The following C6 variants were observed in gnomAD, a reference collection of about 807,000 sequenced individuals.
The protein encoded by C6 is complement component C6.
C6 carries 101 observed loss-of-function variants against 112.9 expected under a neutral mutation model. The ratio of observed to expected loss-of-function variants is 0.89; its 90% CI spans 0.76 to 1.06. The LOEUF is 1.06. Among genes scored for constraint, C6 ranks in the 50% least tolerant of loss-of-function variants. C6 has a pLI of 0.00. For missense variants in C6, 1,202 were observed against 1,104.6 expected (o/e 1.09, Z -1.25); for synonymous variants, 431 against 384.1 (o/e 1.12, Z -1.43).
intron 17 of C6, among the ~76,000 whole-genome samples, chr5:41,147,431 G>A: frequency 6.6e-6 from 1 of 152,126 alleles, no homozygotes. Flanking sequence ...TGCCAGCTAT[G>A]TCCACCCTCT....
chr5:41,145,723 A>G (rs150004107), intron 17 of C6, among the ~76,000 whole-genome samples: 1 of 152,308 alleles, frequency 6.6e-6, no homozygotes, highest in East Asian at 1.9e-4. Context: ...CAGCTAGAGA[A>G]GATTCTTGTT....
chr5:41,171,698 T>C (rs377307826), intron 9 of C6, among the ~76,000 whole-genome samples: 3 of 152,118 alleles, frequency 2.0e-5, no homozygotes, highest in Non-Finnish European at 4.4e-5. Flanking sequence ...TTTTTCAGTA[T>C]TTTTTTGCCT....
chr5:41,220,546 TATTA>T (rs1739100844), intron 1 of C6, among the ~76,000 whole-genome samples: 1 of 152,134 alleles, frequency 6.6e-6, no homozygotes, highest in Non-Finnish European at 1.5e-5. Context: ...ATTTATTTTT[TATTA>T]ATTATTTTAA....
At chr5:41,148,633 C>T (rs1424786646) in intron 17 of C6, among the ~76,000 whole-genome samples, 1 of 152,112 alleles carries the variant, frequency 6.6e-6, no homozygotes, top group East Asian at 1.9e-4. Context: ...AGGCATGAGC[C>T]CCAGAGCTCT....
At chr5:41,234,351 T>G (rs1402193974) in intron 1 of C6, among the ~76,000 whole-genome samples, 1 of 137,342 alleles carries the variant, frequency 7.3e-6, no homozygotes, top group Non-Finnish European at 1.5e-5. Flanking sequence ...TTTTTTTTTG[T>G]TTTTTGTTTT....
intron 8 of C6, among the ~76,000 whole-genome samples, chr5:41,173,938 T>C (rs1164544210): frequency 6.6e-6 from 1 of 152,218 alleles, no homozygotes; most frequent in Non-Finnish European, 1.5e-5. Context: ...GGATTGTTTT[T>C]ATAAGTGGGT....
intron 7 of C6, among the ~76,000 whole-genome samples, chr5:41,177,486 T>G (rs1468503726): frequency 6.6e-6 from 1 of 152,186 alleles, no homozygotes; most frequent in Non-Finnish European, 1.5e-5. Context: ...AGTGTATTTA[T>G]GTACATTGTT....
intron 1 of C6, among the ~76,000 whole-genome samples, chr5:41,229,270 T>C (rs1005315928): frequency 1.3e-5 from 2 of 152,092 alleles, no homozygotes; most frequent in African/African-American, 4.8e-5. Flanking sequence ...GTGGAGTTTG[T>C]TTATGTGTGA....
intron 1 of C6, among the ~76,000 whole-genome samples, chr5:41,243,112 T>C (rs943703295): frequency 6.6e-6 from 1 of 152,150 alleles, no homozygotes; most frequent in South Asian, 2.1e-4. Context: ...TAATAGGATA[T>C]TGTACATTTC....
intron 6 of C6, among the ~76,000 whole-genome samples, chr5:41,181,855 C>A: frequency 6.6e-6 from 1 of 152,272 alleles, no homozygotes; most frequent in Middle Eastern, 3.4e-3. Flanking sequence ...CAAGGAAATG[C>A]CACCTAAGCT....
chr5:41,240,371 G>A (rs1433293250), intron 1 of C6, among the ~76,000 whole-genome samples: 1 of 152,140 alleles, frequency 6.6e-6, no homozygotes, highest in African/African-American at 2.4e-5. Context: ...GAGCCTCCAG[G>A]TGGCTTTCTT....
At chr5:41,238,884 G>T (rs1294721484) in intron 1 of C6, among the ~76,000 whole-genome samples, 2 of 151,640 alleles carry the variant, frequency 1.3e-5, no homozygotes, top group African/African-American at 4.8e-5. Flanking sequence ...ATTTAAATTG[G>T]GTTCATAAAA....
In C6 at chr5:41,210,075, C is replaced by T. The variant is rs375952421; in HGVS notation, c.-21+3301G>A. 3.3e-5 allele frequency among the ~76,000 whole-genome samples: 5 copies of T among 152,238 alleles called. No individual in the cohort carries two copies. The East Asian group carries it at 9.7e-4, about 29-fold the overall frequency. On this transcript the variant is annotated intron_variant, in intron 1 of 17. Transcript: ENST00000337836. ...AGAAATAATACCACACGTCTACAGC[C>T]ATCTGATCTTTGACAAATCTGACAA...
At chr5:41,178,387 C>T (rs1409420713) in intron 7 of C6, among the ~76,000 whole-genome samples, 2 of 151,292 alleles carry the variant, frequency 1.3e-5, no homozygotes, top group East Asian at 1.9e-4. Flanking sequence ...GATTGATTTT[C>T]AATTTTGTGG....
intron 1 of C6, among the ~76,000 whole-genome samples, chr5:41,239,093 A>C (rs533102226): frequency 1.3e-4 from 18 of 143,696 alleles, no homozygotes; most frequent in Admixed American, 1.0e-3. Flanking sequence ...CACATTTATA[A>C]TTTCTTTTCT....
Position 41,170,261 on chromosome 5 carries a change from C to T in C6, c.1291+1964G>A, listed in dbSNP as rs6863182. 8.3e-3 allele frequency among the ~76,000 whole-genome samples: 1,261 copies of T among 151,718 alleles called. 18 individuals are homozygous for T. Among genetic ancestry groups the T allele is most frequent in the African/African-American group, 0.029 (1,183 of 41,420 alleles). On this transcript the variant is annotated intron_variant, in intron 9 of 17. Coordinates refer to ENST00000337836, the MANE Select transcript of C6 (RefSeq NM_000065.5). ...TAAATGTTTTTCCATGTTGAGATTA[C>T]TTGATATCTTTCTTGTATGTGATTA... is the stretch of plus-strand genomic sequence containing the variant.
rs1460652867 is a variant in C6 at position 41,201,621 on chromosome 5, G to T, written c.237C>A (p.Pro79=). 1 of 1,613,610 alleles carries T rather than the reference G, an allele frequency of 6.2e-7. No individual in the cohort carries two copies. Among genetic ancestry groups the T allele is most frequent in the East Asian group, 2.2e-5 (1 of 44,778 alleles). ...ETRECNWQRC[P]INCLLGDFGP... ...CAAAATCTCCCAGGAGGCAGTTGAT[G>T]GGGCATCTTTGCCAGTTACATTCTC... The change falls in exon 3 of 18, where the codon CCC becomes CCA. Residue 79 remains proline (P), a synonymous_variant. Coordinates refer to ENST00000337836, the MANE Select transcript of C6 (RefSeq NM_000065.5).
intron 1 of C6, among the ~76,000 whole-genome samples, chr5:41,224,706 G>A (rs1307831986): frequency 6.6e-6 from 1 of 152,010 alleles, no homozygotes; most frequent in African/African-American, 2.4e-5. Flanking sequence ...ATGCTGCTGG[G>A]AACATTTGTG....
chr5:41,178,372 AC>A (rs1221696308), intron 7 of C6, among the ~76,000 whole-genome samples: 1 of 151,932 alleles, frequency 6.6e-6, no homozygotes, highest in Non-Finnish European at 1.5e-5. Flanking sequence ...CTACTGAAAG[AC>A]TTGGATTGAT....
Sources: gnomAD v4.1 joint callset for allele counts (sites outside exome capture counted in the v4.1 genomes callset) on GRCh38, gnomAD v4.1.1 for gene constraint, MANE v1.5 for transcripts, NCBI Gene and HGNC (gene_info 2026-07-23, HGNC 2026-07-21) for gene names.